Variants in NYNRIN observed in about 807,000 individuals in gnomAD.
The protein encoded by NYNRIN is protein NYNRIN.
A neutral mutation model predicts 146.6 loss-of-function variants in NYNRIN; 86 were observed. That is an observed-to-expected ratio of 0.59 (90% CI 0.49 to 0.70). NYNRIN has a LOEUF of 0.70. NYNRIN is among the 30% of genes least tolerant of loss of function. The pLI is 0.00. For missense variants in NYNRIN, 2,191 were observed against 2,377.7 expected (o/e 0.92, Z 1.63); for synonymous variants, 1,027 against 1,001.3 (o/e 1.03, Z -0.48).
Position 24,408,298 on chromosome 14 carries a change from G to C in NYNRIN, c.628G>C (p.Gly210Arg), listed in dbSNP as rs890504940. ...CATCATCGAGTGGCTCAGCCGCTTC[G>C]GCATCTCTGACTCCCACTCCGATCC... ...EDIIEWLSRFGISDSHSDPEV... is the reference protein window; with the variant it reads ...EDIIEWLSRFRISDSHSDPEV... The change falls in exon 3 of 9, where the codon GGC (glycine) becomes CGC (arginine). Residue 210 changes from glycine to arginine, a missense_variant. Around this residue, in one of 3 missense-constraint regions of NYNRIN, gnomAD observed 895 missense variants for 941.2 expected, o/e 0.95. Coordinates refer to ENST00000382554, the MANE Select transcript of NYNRIN (RefSeq NM_025081.3). The C allele has an allele frequency of 1.2e-6, 2 of 1,612,964 alleles. No homozygotes were observed. Among genetic ancestry groups the C allele is most frequent in the East Asian group, 4.5e-5 (2 of 44,872 alleles).
rs1220351937 is a variant in NYNRIN at position 24,414,754 on chromosome 14, A to C, written c.3005A>C (p.Glu1002Ala). The C allele has an allele frequency of 1.9e-6, 3 of 1,613,634 alleles. No individual in the cohort carries two copies. Among genetic ancestry groups the C allele is most frequent in the Admixed American group, 3.3e-5 (2 of 59,986 alleles). ...GAAGAGAAGGAGGAGAGGCAGGATG[A>C]GGAGCAGAGACAGGGGCAGGGCACA... ...VREEKEERQDEEQRQGQGTQK... is the reference protein window; with the variant it reads ...VREEKEERQDAEQRQGQGTQK... The change falls in exon 9 of 9, where the codon GAG (glutamate) becomes GCG (alanine). Residue 1002 changes from glutamate to alanine, a missense_variant. Coordinates refer to ENST00000382554, the MANE Select transcript of NYNRIN (RefSeq NM_025081.3).
chr14:24,411,197 A>G lies in NYNRIN; in HGVS notation c.2536A>G (p.Arg846Gly). 1 of 1,605,040 alleles carries G rather than the reference A, an allele frequency of 6.2e-7. No homozygotes were observed. The highest frequency in any genetic ancestry group is 8.5e-7 in the Non-Finnish European group (1 of 1,175,562). The change falls in exon 5 of 9, where the codon AGG (arginine) becomes GGG (glycine). Residue 846 changes from arginine (R) to glycine (G), a missense_variant. Arg to Gly is a moderately radical substitution (Grantham distance 125). Transcript: ENST00000382554. This position sits in a 1 kb window ranked among gnomAD's most constrained non-coding sequence, Gnocchi z 4.3. ...VPTWQLKKNRRVRESHFLTKL... is the reference protein window; with the variant it reads ...VPTWQLKKNRGVRESHFLTKL... The stretch of plus-strand genomic sequence containing the variant: ...CACCTGGCAGCTGAAGAAGAACCGG[A>G]GGGTGAGAGGTGAGGTGTCCCCTGC...
rs2042939682 is a variant in NYNRIN, at chr14:24,415,608, C to T, written c.3859C>T (p.Pro1287Ser). 6 of 1,613,858 alleles carry T rather than the reference C, an allele frequency of 3.7e-6. No individual in the cohort carries two copies. The highest frequency in any genetic ancestry group is 5.1e-6 in the Non-Finnish European group (6 of 1,179,892). The change falls in exon 9 of 9, where the codon CCC becomes TCC. Residue 1287 changes from proline to serine, a missense_variant. By Grantham distance (74) the Pro-to-Ser change is moderately conservative. Coordinates refer to ENST00000382554, the MANE Select transcript of NYNRIN (RefSeq NM_025081.3). The part of the protein sequence containing the change: ...GLLGENRLLT[P>S]AASMPRFFQV... ...GCTGGGGGAGAACCGCCTGCTCACCCCCGCGGCCTCCATGCCTCGCTTCTT... is the reference window on the plus strand; with the variant it reads ...GCTGGGGGAGAACCGCCTGCTCACCTCCGCGGCCTCCATGCCTCGCTTCTT...
Position 24,414,703 on chromosome 14 carries a change from G to A in NYNRIN, c.2954G>A (p.Ser985Asn), listed in dbSNP as rs1156947852. The change falls in exon 9 of 9, where the codon AGT becomes AAT. Residue 985 changes from serine (S) to asparagine (N), a missense_variant. Physicochemically the swap from Ser to Asn is conservative, Grantham distance 46. Coordinates refer to ENST00000382554, the MANE Select transcript of NYNRIN (RefSeq NM_025081.3). ...SDDADSGPLE[S>N]LPNMEEVREE... The stretch of plus-strand genomic sequence containing the variant: ...GACGCTGACTCTGGGCCCCTGGAGA[G>A]TCTGCCGAATATGGAAGAAGTCAGG... 3.7e-6 allele frequency: 6 copies of A among 1,613,722 alleles called. No homozygotes were observed. Among genetic ancestry groups the A allele is most frequent in the South Asian group, 1.1e-5 (1 of 91,026 alleles).
At chr14:24,413,294 C>T in intron 7 of NYNRIN, 22 bp from the exon 8 acceptor site, 1 of 1,600,380 alleles carries the variant, frequency 6.2e-7, no homozygotes, top group Non-Finnish European at 8.5e-7. Flanking sequence ...AGTGACTGTG[C>T]CTCTTCTCCC....
At position 24,411,029 on chromosome 14, in the gene NYNRIN, GGGA is replaced by G. The variant is rs552662742; in HGVS notation, c.2415-42_2415-40del. 4.9e-4 allele frequency: 783 copies of G among 1,610,728 alleles called. 10 individuals are homozygous for G. In the South Asian group the frequency reaches 7.0e-3, roughly 14 times the overall value. ...CTTGCTGCCCCAGGGCTGGCTCTGA[GGGA>G]GGAGTGGTGAGGCAGGGTCTTTCCT... On this transcript the variant is annotated intron_variant, in intron 4 of 8. Coordinates refer to ENST00000382554, the MANE Select transcript of NYNRIN (RefSeq NM_025081.3). This position sits in a 1 kb window ranked among gnomAD's most constrained non-coding sequence, Gnocchi z 4.3.
rs978928175 is a variant in NYNRIN, at chr14:24,415,057, C to G, written c.3308C>G (p.Ser1103Cys). 1.2e-6 allele frequency: 2 copies of G among 1,612,844 alleles called. No individual in the cohort carries two copies. Among genetic ancestry groups the G allele is most frequent in the African/African-American group, 2.7e-5 (2 of 74,884 alleles). The change falls in exon 9 of 9, where the codon TCC becomes TGC. Residue 1103 changes from serine (S) to cysteine (C), a missense_variant. Physicochemically the swap from Ser to Cys is moderately radical, Grantham distance 112 (BLOSUM62 -1). Coordinates refer to ENST00000382554, the MANE Select transcript of NYNRIN (RefSeq NM_025081.3). Reference sequence around the variant, plus strand: ...TCCTTCTTCATGGGCTTCATGGACTCCCACAGGGATGCCATCCCTGACTAT... The same window carrying G: ...TCCTTCTTCATGGGCTTCATGGACTGCCACAGGGATGCCATCCCTGACTAT... ...ALSFFMGFMD[S>C]HRDAIPDYEA...
At chr14:24,402,432 C>T (rs937917445) in intron 2 of NYNRIN, among the ~76,000 whole-genome samples, 1 of 152,074 alleles carries the variant, frequency 6.6e-6, no homozygotes, top group Non-Finnish European at 1.5e-5. Context: ...AGCCTAAAGG[C>T]AGTGGTGGTG....
Position 24,418,211 on chromosome 14 carries a change from A to G in NYNRIN, c.*765A>G, listed in dbSNP as rs2042961662. 1 of 454,928 alleles carries G rather than the reference A, an allele frequency of 2.2e-6. No individual in the cohort carries two copies. Among genetic ancestry groups the G allele is most frequent in the East Asian group, 7.0e-5 (1 of 14,272 alleles). The allele number at this position is 454,928 out of a possible 1,614,324, so 28.2% of individuals were successfully genotyped here. A position where few individuals can be genotyped will look rare whatever the true frequency, so the allele number is the denominator to read the frequency against. ...CCTGACCCCTGCTTTGATGGTGTTG[A>G]CCCCACAGGAATCAAGGATCTTGAT... On this transcript the variant is annotated 3_prime_UTR_variant, in exon 9 of 9. Transcript: ENST00000382554.
intron 8 of NYNRIN, 146 bp from the exon 9 acceptor site, chr14:24,414,450 G>T: frequency 8.1e-7 from 1 of 1,227,988 alleles, no homozygotes. Flanking sequence ...ATAGGCAGGG[G>T]CCCAATTGTG....
At chr14:24,406,262 T>A (rs934096367) in intron 2 of NYNRIN, among the ~76,000 whole-genome samples, 1 of 106,790 alleles carries the variant, frequency 9.4e-6, no homozygotes, top group African/African-American at 2.9e-5. Context: ...ATTGGACAGT[T>A]GATGGAACCA....
Position 24,418,021 on chromosome 14 carries a change from G to T in NYNRIN, c.*575G>T. The T allele has an allele frequency of 3.2e-6, 1 of 314,510 alleles. No homozygotes were observed. 19.5% of individuals were successfully genotyped at this position (314,510 alleles called of 1,614,324 possible). A position where few individuals can be genotyped will look rare whatever the true frequency, so the allele number is the denominator to read the frequency against. On this transcript the variant is annotated 3_prime_UTR_variant, in exon 9 of 9. Transcript: ENST00000382554. Reference sequence around the variant, plus strand: ...GGTCAGCTTTCTCAAGCCAGGTGTGGCCTGCACAGCTCTCAGGGCAGGGCT... The same window carrying T: ...GGTCAGCTTTCTCAAGCCAGGTGTGTCCTGCACAGCTCTCAGGGCAGGGCT...
chr14:24,409,628 G>C lies in NYNRIN; in HGVS notation c.1834G>C (p.Val612Leu). 6.2e-7 allele frequency: 1 copy of C among 1,607,908 alleles called. No homozygotes were observed. The highest frequency in any genetic ancestry group is 8.5e-7 in the Non-Finnish European group (1 of 1,177,090). The part of the protein sequence containing the change: ...TAQKTVVNQP[V>L]LVAQVEPTTP... ...TCAAAAAACAGTTGTGAATCAACCA[G>C]TGTTGGTAGCTCAAGTGGAACCCAC... The change falls in exon 4 of 9, where the codon GTG becomes CTG. Residue 612 changes from valine to leucine, a missense_variant. Physicochemically the swap from Val to Leu is conservative, Grantham distance 32. Coordinates refer to ENST00000382554, the MANE Select transcript of NYNRIN (RefSeq NM_025081.3).
intron 2 of NYNRIN, among the ~76,000 whole-genome samples, chr14:24,405,084 G>GTA (rs1185612820): frequency 6.6e-6 from 1 of 151,676 alleles, no homozygotes; most frequent in Non-Finnish European, 1.5e-5. Flanking sequence ...GTGTGTGTGT[G>GTA]TATGTGTGTT....
At chr14:24,410,262 G>C (rs887422340) in intron 4 of NYNRIN, 54 bp downstream of exon 4, 4 of 1,418,484 alleles carry the variant, frequency 2.8e-6, no homozygotes, top group Non-Finnish European at 3.9e-6. Flanking sequence ...CTGGGGCAGG[G>C]CATCCCTGGG....
rs2277487 is a variant in NYNRIN at position 24,399,079 on chromosome 14, C to G, written c.-25C>G. On this transcript the variant is annotated 5_prime_UTR_variant, in exon 1 of 9. Transcript: ENST00000382554. ...AGCTCCAGAGGGCGGGCGCCCGAGC[C>G]GTGCGGGGTGGGTCCCGCCGCCTGG... 12,929 of 585,308 alleles carry G rather than the reference C, an allele frequency of 0.022. 1,151 individuals are homozygous for G. In the East Asian group the frequency reaches 0.25, roughly 12 times the overall value. 36.3% of individuals were successfully genotyped at this position (585,308 alleles called of 1,614,324 possible). A position where few individuals can be genotyped will look rare whatever the true frequency, so the allele number is the denominator to read the frequency against.
chr14:24,412,301 C>A (rs191522487), intron 6 of NYNRIN, among the ~76,000 whole-genome samples: 1 of 152,216 alleles, frequency 6.6e-6, no homozygotes, highest in African/African-American at 2.4e-5. Flanking sequence ...CTGCTGGGCA[C>A]TTGAAGAGTA....
intron 2 of NYNRIN, among the ~76,000 whole-genome samples, chr14:24,404,679 T>C (rs1201383833): frequency 2.0e-5 from 3 of 152,210 alleles, no homozygotes; most frequent in Non-Finnish European, 4.4e-5. Flanking sequence ...TTGCAGGTGC[T>C]GTTGGTTAGG....
At position 24,408,183 on chromosome 14, in the gene NYNRIN, T is replaced by A; in HGVS notation, c.513T>A (p.Gly171=). 1 of 1,600,604 alleles carries A rather than the reference T, an allele frequency of 6.2e-7. No homozygotes were observed. Among genetic ancestry groups the A allele is most frequent in the Non-Finnish European group, 8.5e-7 (1 of 1,176,608 alleles). The part of the protein sequence containing the change: ...RAFGALVWIR[G]DQHAGDLLQL... ...TTGGGGCCCTGGTCTGGATCCGTGG[T>A]GACCAGCATGCAGGGGACCTACTGC... Residue 171 remains glycine (G), a synonymous_variant, in exon 3 of 9, where the codon GGT becomes GGA. Transcript: ENST00000382554.
Sources: gnomAD v4.1 joint callset for allele counts (sites outside exome capture counted in the v4.1 genomes callset) on GRCh38, gnomAD v4.1.1 for gene constraint, gnomAD v4.1.1 regional missense constraint, Gnocchi (gnomAD v3.1) non-coding constraint, MANE v1.5 for transcripts, NCBI Gene and HGNC (gene_info 2026-07-23, HGNC 2026-07-21) for gene names.